Variants in SLC8A3 observed in about 807,000 individuals in gnomAD.
SLC8A3 encodes sodium/calcium exchanger 3.
SLC8A3 carries 37 observed loss-of-function variants against 65.4 expected under a neutral mutation model. The observed-to-expected ratio is 0.57, with a 90% confidence interval of 0.44 to 0.74. The LOEUF (loss-of-function observed/expected upper bound fraction) is 0.74. SLC8A3 is among the 30% of genes least tolerant of loss of function. The pLI, the probability that SLC8A3 is intolerant of heterozygous loss-of-function variation, is 0.00. For synonymous variants in SLC8A3, 461 were observed against 444.5 expected (o/e 1.04, Z -0.47); for missense variants, 1,112 against 1,172.1 (o/e 0.95, Z 0.75).
intron 2 of SLC8A3, 137 bp downstream of exon 2, chr14:70,166,502 C>T: frequency 1.6e-6 from 1 of 607,604 alleles, no homozygotes; most frequent in East Asian, 2.8e-5. Context: ...GTCTGCTGAT[C>T]CTGCATACCT....
At chr14:70,098,337 T>A (rs1290109793) in intron 2 of SLC8A3, among the ~76,000 whole-genome samples, 1 of 151,768 alleles carries the variant, frequency 6.6e-6, no homozygotes, top group Non-Finnish European at 1.5e-5. Context: ...TACAGTCACC[T>A]CCCCCTTTCC....
In SLC8A3 at chr14:70,168,424, C is replaced by A. The variant is rs746405851; in HGVS notation, c.-2G>T. 1.9e-6 allele frequency: 3 copies of A among 1,610,040 alleles called. No individual in the cohort carries two copies. The highest frequency in any genetic ancestry group is 2.2e-5 in the South Asian group (2 of 90,260). Reference sequence around the variant, plus strand: ...AGGCTGCAACCTTAACCACGCCATACACGAGACTTAGCCACTGGCTTCTAT... The same window carrying A: ...AGGCTGCAACCTTAACCACGCCATAAACGAGACTTAGCCACTGGCTTCTAT... On this transcript the variant is annotated 5_prime_UTR_variant, in exon 2 of 7. Coordinates refer to ENST00000356921, the MANE Select transcript of SLC8A3 (RefSeq NM_182932.3).
At chr14:70,097,516 A>C (rs911623959) in intron 2 of SLC8A3, among the ~76,000 whole-genome samples, 3 of 152,206 alleles carry the variant, frequency 2.0e-5, no homozygotes, top group Non-Finnish European at 2.9e-5. Flanking sequence ...GGAGGACCTC[A>C]AATGAGTTTC....
chr14:70,057,575 C>T (rs977173754), intron 3 of SLC8A3, among the ~76,000 whole-genome samples: 4 of 152,182 alleles, frequency 2.6e-5, no homozygotes, highest in Admixed American at 2.6e-4. Flanking sequence ...ATTCTCTGGT[C>T]ATTGTCTCCA....
intron 1 of SLC8A3, among the ~76,000 whole-genome samples, chr14:70,183,374 A>G (rs1216070344): frequency 6.6e-6 from 1 of 152,172 alleles, no homozygotes; most frequent in Non-Finnish European, 1.5e-5. Context: ...TACACATGTG[A>G]GTCTCCTGTC....
Position 70,166,692 on chromosome 14 carries a change from A to G in SLC8A3, c.1731T>C (p.Gly577=). Reference sequence around the variant, plus strand: ...CCCCATATGTGTCTTCAAAGTCCTCACCGCCACCCTTGGCTGTCCCTTCTA... The same window carrying G: ...CCCCATATGTGTCTTCAAAGTCCTCGCCGCCACCCTTGGCTGTCCCTTCTA... The part of the protein sequence containing the change: ...RTVEGTAKGG[G]EDFEDTYGEL... The change falls in exon 2 of 7, where the codon GGT becomes GGC. Residue 577 remains glycine, a synonymous_variant. Transcript: ENST00000356921. 1 of 1,613,074 alleles carries G rather than the reference A, an allele frequency of 6.2e-7. No homozygotes were observed.
At chr14:70,052,444 G>A (rs1887617908) in intron 3 of SLC8A3, among the ~76,000 whole-genome samples, 1 of 152,218 alleles carries the variant, frequency 6.6e-6, no homozygotes, top group Non-Finnish European at 1.5e-5. Context: ...AAGGGCAAGT[G>A]TTTTGACCTT....
At chr14:70,054,520 C>T (rs1034422735) in intron 3 of SLC8A3, among the ~76,000 whole-genome samples, 2 of 145,730 alleles carry the variant, frequency 1.4e-5, no homozygotes, top group African/African-American at 2.6e-5. Context: ...TGAGGGGGGG[C>T]GGGTGGAGGA....
At chr14:70,060,646 CAG>C in intron 3 of SLC8A3, 188 bp downstream of exon 3, 1 of 731,094 alleles carries the variant, frequency 1.4e-6, no homozygotes, top group East Asian at 2.6e-5. Context: ...GATACCGAAA[CAG>C]GGTGAGAGCG....
intron 2 of SLC8A3, among the ~76,000 whole-genome samples, chr14:70,095,103 G>T (rs867133092): frequency 1.2e-4 from 18 of 152,212 alleles, no homozygotes; most frequent in African/African-American, 3.6e-4. Context: ...AGGTTTACAA[G>T]GGCTTGTCAC....
Position 70,167,667 on chromosome 14 carries a change from A to G in SLC8A3, c.756T>C (p.Asp252=). 6 of 1,614,154 alleles carry G rather than the reference A, an allele frequency of 3.7e-6. No homozygotes were observed. Among genetic ancestry groups the G allele is most frequent in the Non-Finnish European group, 4.2e-6 (5 of 1,180,018 alleles). ...PVCVLLAWVA[D]KRLLFYKYMH... ...TGTATTTGTAGAAGAGCAGTCGTTT[A>G]TCTGCCACCCAGGCCAGAAGGACAC... The change falls in exon 2 of 7, where the codon GAT becomes GAC. Residue 252 remains aspartate, a synonymous_variant. Transcript: ENST00000356921.
intron 2 of SLC8A3, among the ~76,000 whole-genome samples, chr14:70,126,009 C>T (rs913250634): frequency 5.9e-5 from 9 of 152,198 alleles, no homozygotes; most frequent in African/African-American, 2.2e-4. Flanking sequence ...AGCAGTTCTG[C>T]TGCATCATTT....
Position 70,171,166 on chromosome 14 carries a change from C to T in SLC8A3, c.-62-2682G>A, listed in dbSNP as rs141303579. On this transcript the variant is annotated intron_variant, in intron 1 of 6. Coordinates refer to ENST00000356921, the MANE Select transcript of SLC8A3 (RefSeq NM_182932.3). ...AGGCACAGCTGAGTAGCTCTTTCTTCAAGTGCCAACCCAGTGACAGGAGGT... is the reference window on the plus strand; with the variant it reads ...AGGCACAGCTGAGTAGCTCTTTCTTTAAGTGCCAACCCAGTGACAGGAGGT... 2.9e-3 allele frequency among the ~76,000 whole-genome samples: 441 copies of T among 152,280 alleles called. 2 individuals are homozygous for T. Among genetic ancestry groups the T allele is most frequent in the South Asian group, 0.02 (94 of 4,816 alleles).
At chr14:70,067,425 A>C (rs1332794134) in intron 2 of SLC8A3, among the ~76,000 whole-genome samples, 2 of 152,152 alleles carry the variant, frequency 1.3e-5, no homozygotes, top group Non-Finnish European at 1.5e-5. Flanking sequence ...TCTCCAATTC[A>C]AGGACTAACC....
intron 1 of SLC8A3, 45 bp from the exon 2 acceptor site, chr14:70,168,529 G>A (rs1566828803): frequency 1.2e-6 from 1 of 820,210 alleles, no homozygotes. Flanking sequence ...GGAAAAAGGG[G>A]ACAGCAAACG....
intron 2 of SLC8A3, among the ~76,000 whole-genome samples, chr14:70,161,143 A>T (rs1896861220): frequency 6.8e-6 from 1 of 146,672 alleles, no homozygotes; most frequent in African/African-American, 2.5e-5. Flanking sequence ...ATAAATATAA[A>T]TATATATGTA....
At position 70,166,948 on chromosome 14, in the gene SLC8A3, T is replaced by G. The variant is rs1341700790; in HGVS notation, c.1475A>C (p.Glu492Ala). ...TGGAGGCATCCCCTCCTCTGGCTGC[T>G]CCTCCTCTATGCGGACATTGCTCAA... Reference protein sequence around the residue: ...VRLSNVRIEEEQPEEGMPPAI... With the variant: ...VRLSNVRIEEAQPEEGMPPAI... Residue 492 changes from glutamate (E) to alanine (A), a missense_variant, in exon 2 of 7, where the codon GAG becomes GCG. Physicochemically the swap from Glu to Ala is moderately radical, Grantham distance 107. Coordinates refer to ENST00000356921, the MANE Select transcript of SLC8A3 (RefSeq NM_182932.3). 1.2e-6 allele frequency: 2 copies of G among 1,614,180 alleles called. No individual in the cohort carries two copies. The highest frequency in any genetic ancestry group is 1.7e-5 in the Admixed American group (1 of 60,026).
In SLC8A3 at chr14:70,167,252, G is replaced by A; in HGVS notation, c.1171C>T (p.Pro391Ser). The A allele has an allele frequency of 6.2e-7, 1 of 1,614,142 alleles. No homozygotes were observed. Among genetic ancestry groups the A allele is most frequent in the Non-Finnish European group, 8.5e-7 (1 of 1,180,018 alleles). Residue 391 changes from proline to serine, a missense_variant, in exon 2 of 7, where the codon CCT becomes TCT. Physicochemically the swap from Pro to Ser is moderately conservative, Grantham distance 74. Coordinates refer to ENST00000356921, the MANE Select transcript of SLC8A3 (RefSeq NM_182932.3). ...AAGACCTTGGAAATAAAGTCCTCAGGCTCATCGGTGTGCACCTCGCTCATG... is the reference window on the plus strand; with the variant it reads ...AAGACCTTGGAAATAAAGTCCTCAGACTCATCGGTGTGCACCTCGCTCATG... ...SSMSEVHTDE[P>S]EDFISKVFFD...
At chr14:70,063,723 G>A (rs1464928490) in intron 2 of SLC8A3, 4 of 694,824 alleles carry the variant, frequency 5.8e-6, no homozygotes, top group Admixed American at 4.4e-5. Flanking sequence ...GAACCAGAGA[G>A]GTGGAAGACA....
Sources: allele counts gnomAD v4.1 joint callset (sites outside exome capture counted in the v4.1 genomes callset), GRCh38; gene constraint gnomAD v4.1.1; transcripts MANE v1.5; gene names NCBI Gene and HGNC (gene_info 2026-07-23, HGNC 2026-07-21).